Variants in DISC1 observed in about 807,000 individuals in gnomAD.
DISC1 encodes the protein DISC1 scaffold protein, also known as disrupted in schizophrenia 1 protein.
Under a neutral mutation model 84.5 loss-of-function variants are expected in DISC1, and 57 were observed. The ratio of observed to expected loss-of-function variants is 0.67; its 90% CI spans 0.55 to 0.84. The LOEUF (loss-of-function observed/expected upper bound fraction) is 0.84. DISC1 is among the 40% of genes least tolerant of loss of function. The pLI is 0.00. For missense variants in DISC1, 1,000 were observed against 1,057.8 expected, an observed-to-expected ratio of 0.95 and a Z score of 0.76; for synonymous variants, 411 against 415.2, an observed-to-expected ratio of 0.99 and a Z score of 0.12.
In DISC1 at chr1:231,632,426, G is replaced by A. The variant is rs552865178; in HGVS notation, c.67+5492G>A. On this transcript the variant is annotated intron_variant, in intron 1 of 12. Transcript: ENST00000439617. ...TGCCTGTCATGGGTGGACATTTACC[G>A]TTTATTTTCAGAGTTCAAAGTTTGA... Among the ~76,000 whole-genome samples the A allele has an allele frequency of 1.1e-4, 16 of 152,230 alleles. No homozygotes were observed. The East Asian group carries it at 1.5e-3, about 15-fold the overall frequency.
chr1:231,883,090 G>T (rs780281505), intron 9 of DISC1, among the ~76,000 whole-genome samples: 2 of 152,040 alleles, frequency 1.3e-5, no homozygotes, highest in Admixed American at 6.5e-5. Context: ...GCCCACTGCT[G>T]ATGTGGGCAG....
intron 9 of DISC1, among the ~76,000 whole-genome samples, chr1:231,865,412 G>T (rs961515156): frequency 7.2e-5 from 11 of 152,192 alleles, no homozygotes; most frequent in African/African-American, 2.7e-4. Context: ...TCAAAAGGAG[G>T]TTAAGAAATC....
At chr1:231,973,191 C>T (rs1030589578) in intron 10 of DISC1, among the ~76,000 whole-genome samples, 8 of 151,968 alleles carry the variant, frequency 5.3e-5, no homozygotes, top group African/African-American at 9.7e-5. Context: ...GGACTACAGG[C>T]GTGCGCCACC....
chr1:231,766,055 G>A (rs528223702), intron 4 of DISC1, among the ~76,000 whole-genome samples: 13 of 152,106 alleles, frequency 8.5e-5, no homozygotes, highest in Middle Eastern at 3.4e-3. Flanking sequence ...TTTGGGAAGC[G>A]GAGGAGGGAG....
intron 3 of DISC1, among the ~76,000 whole-genome samples, chr1:231,710,941 A>C (rs924405176): frequency 6.6e-6 from 1 of 152,204 alleles, no homozygotes; most frequent in African/African-American, 2.4e-5. Context: ...TACTAAACAC[A>C]TTCAGGTATT....
At chr1:231,948,867 T>C in intron 9 of DISC1, among the ~76,000 whole-genome samples, 1 of 136,534 alleles carries the variant, frequency 7.3e-6, no homozygotes, top group East Asian at 2.1e-4. Flanking sequence ...GTTAATTTTT[T>C]TTTTTTTTTT....
chr1:231,638,724 A>T (rs1438144383), intron 1 of DISC1, among the ~76,000 whole-genome samples: 2 of 152,068 alleles, frequency 1.3e-5, no homozygotes, highest in Non-Finnish European at 2.9e-5. Flanking sequence ...ATACCAGCCT[A>T]TTTGTTACCT....
chr1:232,014,818 C>T (rs369945876), intron 11 of DISC1, among the ~76,000 whole-genome samples: 4 of 152,208 alleles, frequency 2.6e-5, no homozygotes, highest in African/African-American at 9.6e-5. Context: ...CAGCCTCCCC[C>T]TCTCTCTTAA....
chr1:231,641,582 G>C (rs963522366), intron 1 of DISC1, among the ~76,000 whole-genome samples: 2 of 152,336 alleles, frequency 1.3e-5, no homozygotes, highest in South Asian at 2.1e-4. Flanking sequence ...AGGGACCGGA[G>C]AGGGTTGCCG....
intron 6 of DISC1, among the ~76,000 whole-genome samples, chr1:231,785,262 TTTA>T (rs1356097329): frequency 7.7e-5 from 6 of 77,742 alleles, no homozygotes; most frequent in Non-Finnish European, 1.8e-4. Flanking sequence ...TGTTATTTTA[TTTA>T]TTTATTTATT....
At chr1:231,711,685 T>G (rs2125016645) in intron 3 of DISC1, among the ~76,000 whole-genome samples, 2 of 152,264 alleles carry the variant, frequency 1.3e-5, no homozygotes, top group Middle Eastern at 6.8e-3. Context: ...CATATTTCAA[T>G]AGGCAGAGAC....
At chr1:231,918,083 T>A (rs1456259510) in intron 9 of DISC1, among the ~76,000 whole-genome samples, 1 of 152,166 alleles carries the variant, frequency 6.6e-6, no homozygotes, top group East Asian at 1.9e-4. Context: ...ATCCTCAGGG[T>A]CTGTGGAGTG....
chr1:231,847,755 C>T (rs1482728749), intron 9 of DISC1, among the ~76,000 whole-genome samples: 5 of 152,166 alleles, frequency 3.3e-5, no homozygotes, highest in Admixed American at 6.5e-5. Context: ...CAAGAAGCCT[C>T]CCTGACCATC....
At chr1:231,859,772 G>A (rs375139518) in intron 9 of DISC1, among the ~76,000 whole-genome samples, 1 of 152,236 alleles carries the variant, frequency 6.6e-6, no homozygotes, top group East Asian at 1.9e-4. Context: ...CAAGAAGCAC[G>A]GGTAGATGAT....
intron 9 of DISC1, among the ~76,000 whole-genome samples, chr1:231,951,890 C>A (rs1262132068): frequency 1.3e-5 from 2 of 151,090 alleles, no homozygotes; most frequent in Non-Finnish European, 3.0e-5. Context: ...ACAAAGTGAA[C>A]CCTCATCTCT....
Position 231,914,486 on chromosome 1 carries a change from C to T in DISC1, c.1982-44342C>T, listed in dbSNP as rs72760464. On this transcript the variant is annotated intron_variant, in intron 9 of 12. Transcript: ENST00000439617. ...GCTCTGCTCGGCTTCTTTTGCAAAC[C>T]GGTCACACCATGTGGGAAGGAAAAT... 9.1e-3 allele frequency among the ~76,000 whole-genome samples: 1,380 copies of T among 152,288 alleles called. 14 individuals are homozygous for T. The highest frequency in any genetic ancestry group is 0.015 in the Non-Finnish European group (1,012 of 68,026).
intron 1 of DISC1, among the ~76,000 whole-genome samples, chr1:231,652,730 T>C (rs1432196390): frequency 1.3e-5 from 2 of 152,214 alleles, no homozygotes; most frequent in Non-Finnish European, 2.9e-5. Flanking sequence ...CTTAGTAGTA[T>C]AGCACAGATA....
At chr1:231,763,150 T>C (rs2075904004) in intron 4 of DISC1, among the ~76,000 whole-genome samples, 1 of 152,106 alleles carries the variant, frequency 6.6e-6, no homozygotes, top group African/African-American at 2.4e-5. Context: ...GTGTGTGGTA[T>C]CTGGGAAAGA....
At chr1:231,756,833 G>A (rs972311182) in intron 4 of DISC1, among the ~76,000 whole-genome samples, 5 of 152,150 alleles carry the variant, frequency 3.3e-5, no homozygotes, top group African/African-American at 4.8e-5. Flanking sequence ...TATTATTACC[G>A]TAACTAGAAA....
Sources: gnomAD v4.1 joint callset for allele counts (sites outside exome capture counted in the v4.1 genomes callset) on GRCh38, gnomAD v4.1.1 for gene constraint, MANE v1.5 for transcripts, NCBI Gene and HGNC (gene_info 2026-07-23, HGNC 2026-07-21) for gene names.